Variants in WIPF1 observed in about 807,000 individuals in gnomAD.
WIPF1 encodes WAS/WASL interacting protein family member 1.
In WIPF1, 13 loss-of-function variants were observed where a neutral mutation model predicts 35.4. The observed-to-expected ratio is 0.37, with a 90% CI of 0.24 to 0.58. The LOEUF (loss-of-function observed/expected upper bound fraction) is 0.58, where lower values mean the gene tolerates loss of function less well. WIPF1 is among the 20% of genes least tolerant of loss of function. WIPF1 has a pLI of 0.74. For synonymous variants in WIPF1, 267 were observed against 266.3 expected (o/e 1.00, Z -0.02); for missense variants, 591 against 667.0 (o/e 0.89, Z 1.25).
chr2:174,654,699 G>GT lies in WIPF1; in HGVS notation c.-39+28074dup, dbSNP rs561825171. ...TCTTAACTCTCTTCTGACTAGTTTG[G>GT]TTTTTTTCCCTTCTATATCTTCCGA... On this transcript the variant is annotated intron_variant, in intron 1 of 8. Coordinates refer to the WIPF1 transcript ENST00000272746. Among the ~76,000 whole-genome samples the GT allele has an allele frequency of 2.6e-3, 392 of 151,184 alleles. 2 individuals carry two copies. Among genetic ancestry groups the GT allele is most frequent in the Non-Finnish European group, 5.1e-3 (346 of 67,810 alleles).
At chr2:174,652,808 C>T (rs753658545) in intron 1 of WIPF1, among the ~76,000 whole-genome samples, 1 of 143,626 alleles carries the variant, frequency 7.0e-6, no homozygotes, top group Non-Finnish European at 1.5e-5. Context: ...AAAAAAAAAA[C>T]AAAAAAAAAC....
chr2:174,664,407 T>A (rs1450886295), intron 1 of WIPF1, among the ~76,000 whole-genome samples: 1 of 152,104 alleles, frequency 6.6e-6, no homozygotes, highest in Admixed American at 6.5e-5. Flanking sequence ...AAACAAAGAC[T>A]CCATTTAGGA....
chr2:174,565,877 A>AT (rs376168930), intron 7 of WIPF1, among the ~76,000 whole-genome samples: 2 of 144,422 alleles, frequency 1.4e-5, no homozygotes, highest in Non-Finnish European at 3.1e-5. Context: ...CGTTGTATAC[A>AT]TTTTTTTTTA....
chr2:174,588,923 T>C (rs1487693776), intron 1 of WIPF1, among the ~76,000 whole-genome samples: 1 of 152,162 alleles, frequency 6.6e-6, no homozygotes, highest in Non-Finnish European at 1.5e-5. Context: ...CCTGGCCCCA[T>C]CTCTCACTCC....
At chr2:174,599,295 A>G (rs1395934855), upstream of WIPF1, among the ~76,000 whole-genome samples, 1 of 152,210 alleles carries the variant, frequency 6.6e-6, no homozygotes, top group African/African-American at 2.4e-5. Context: ...CCAAAATACC[A>G]GAAGTGCTCC....
In WIPF1 at chr2:174,585,547, G is replaced by T; in HGVS notation, c.27C>A (p.Pro9=). 1.2e-6 allele frequency: 2 copies of T among 1,612,064 alleles called. No homozygotes were observed. Among genetic ancestry groups the T allele is most frequent in the Non-Finnish European group, 1.7e-6 (2 of 1,179,272 alleles). Residue 9 remains proline, a synonymous_variant, in exon 2 of 8, where the codon CCC becomes CCA. Coordinates refer to ENST00000679041, the MANE Select transcript of WIPF1 (RefSeq NM_001375834.1). ...CCAGTGCAAACGTCGGGGGCGGCGG[G>T]GGTGCTGGAGGGGGAGGGACAGGCA... The part of the protein sequence containing the change: MPVPPPPA[P]PPPPTFALAN...
At chr2:174,599,316 T>C (rs545401831), upstream of WIPF1, among the ~76,000 whole-genome samples, 209 of 152,022 alleles carry the variant, frequency 1.4e-3, no homozygotes, top group Non-Finnish European at 2.8e-3. Flanking sequence ...TACTGGGGAG[T>C]ACTGGGACAG....
At chr2:174,570,002 C>A (rs1214621821) in intron 5 of WIPF1, among the ~76,000 whole-genome samples, 1 of 152,236 alleles carries the variant, frequency 6.6e-6, no homozygotes, top group Non-Finnish European at 1.5e-5. Context: ...TGCACACTCA[C>A]TGACCCAGAT....
Position 174,585,556 on chromosome 2 carries a change from AG to A in WIPF1, c.17del (p.Pro6LeufsTer20). 8.8e-7 allele frequency: 1 copy of A among 1,131,662 alleles called. No individual in the cohort carries two copies. The highest frequency in any genetic ancestry group is 1.2e-6 in the Non-Finnish European group (1 of 817,090). 70.1% of individuals were successfully genotyped at this position (1,131,662 alleles called of 1,614,324 possible). A position where few individuals can be genotyped will look rare whatever the true frequency, so the allele number is the denominator to read the frequency against. MPVPP[P>X]PAPPPPPTFA... ...ACGTCGGGGGCGGCGGGGGTGCTGGAGGGGGAGGGACAGGCATCTTGGGCAG... is the reference window on the plus strand; with the variant it reads ...ACGTCGGGGGCGGCGGGGGTGCTGGAGGGGAGGGACAGGCATCTTGGGCAG... On this transcript the variant is annotated frameshift_variant, in exon 2 of 8. Coordinates refer to ENST00000679041, the MANE Select transcript of WIPF1 (RefSeq NM_001375834.1). LOFTEE classifies it high-confidence loss of function.
At chr2:174,614,719 CA>C (rs1201592261) in intron 1 of WIPF1, among the ~76,000 whole-genome samples, 1 of 152,152 alleles carries the variant, frequency 6.6e-6, no homozygotes, top group Non-Finnish European at 1.5e-5. Flanking sequence ...TCTTATTTTC[CA>C]AAGTACAAAG....
rs1685574287 is a variant in WIPF1 at position 174,590,655 on chromosome 2, C to T, written c.-38-5044G>A. On this transcript the variant is annotated intron_variant, in intron 1 of 7. Coordinates refer to ENST00000679041, the MANE Select transcript of WIPF1 (RefSeq NM_001375834.1). This position sits in a 1 kb window ranked among gnomAD's most constrained non-coding sequence, Gnocchi z 4.6. ...CATCAGAATCTGCTGTGCCTGTGTC[C>T]GGCTTCCCAGACTAGTTGGGCTCTC... is the stretch of plus-strand genomic sequence containing the variant. Among the ~76,000 whole-genome samples, 1 of 152,188 alleles carries T rather than the reference C, an allele frequency of 6.6e-6. No homozygotes were observed. Among genetic ancestry groups the T allele is most frequent in the African/African-American group, 2.4e-5 (1 of 41,442 alleles).
chr2:174,620,158 T>C (rs930555609), intron 1 of WIPF1, among the ~76,000 whole-genome samples: 2 of 152,234 alleles, frequency 1.3e-5, no homozygotes, highest in Non-Finnish European at 2.9e-5. Context: ...TTGAGACCAC[T>C]GACGCCTTAA....
intron 1 of WIPF1, chr2:174,625,754 C>G (rs1303770200): frequency 1.3e-5 from 2 of 152,122 alleles, no homozygotes; most frequent in Non-Finnish European, 2.9e-5. Flanking sequence ...TTTTTGCTTT[C>G]ACAAGCTGAC....
chr2:174,563,691 G>A (rs1684556656), intron 7 of WIPF1, among the ~76,000 whole-genome samples: 2 of 152,202 alleles, frequency 1.3e-5, no homozygotes, highest in Admixed American at 1.3e-4. Flanking sequence ...GGATTTAACA[G>A]GTGTTTGGCA....
chr2:174,574,916 C>T lies in WIPF1; in HGVS notation c.358+288G>A, dbSNP rs1405042232. Reference sequence around the variant, plus strand: ...GGGCCAGCAAGTTCTATTTGCTCCTCCCTTTTCTTCCCACTCCAGCTAACC... The same window carrying T: ...GGGCCAGCAAGTTCTATTTGCTCCTTCCTTTTCTTCCCACTCCAGCTAACC... On this transcript the variant is annotated intron_variant, in intron 4 of 7. Transcript: ENST00000679041. The T allele has an allele frequency of 3.5e-5, 25 of 716,900 alleles. No homozygotes were observed. The Admixed American group carries it at 4.4e-4, about 13-fold the overall frequency. 44.4% of individuals were successfully genotyped at this position (716,900 alleles called of 1,614,324 possible).
chr2:174,571,658 C>T lies in WIPF1; in HGVS notation c.1129+18G>A. 6.2e-7 allele frequency: 1 copy of T among 1,614,212 alleles called. No individual in the cohort carries two copies. Among genetic ancestry groups the T allele is most frequent in the African/African-American group, 1.3e-5 (1 of 75,056 alleles). On this transcript the variant is annotated intron_variant, in intron 5 of 7. Coordinates refer to ENST00000679041, the MANE Select transcript of WIPF1 (RefSeq NM_001375834.1). The surrounding 1 kb of genome is among the most constrained non-coding windows in gnomAD (Gnocchi z 4.6). ...CAGGCTGGGTTTTGGAAGCAACTCA[C>T]TCCACGTCTTGTCATACCTGATCGG...
intron 1 of WIPF1, among the ~76,000 whole-genome samples, chr2:174,669,746 T>C (rs895897763): frequency 4.6e-5 from 7 of 152,146 alleles, no homozygotes; most frequent in Non-Finnish European, 1.0e-4. Context: ...CATGGAGGTA[T>C]GTGCCTGCAG....
At chr2:174,566,202 T>A (rs975062669) in intron 7 of WIPF1, 8 of 152,324 alleles carry the variant, frequency 5.3e-5, no homozygotes, top group South Asian at 2.1e-4. Flanking sequence ...TGTGTTTTTT[T>A]AAAAGTAAAT....
intron 1 of WIPF1, among the ~76,000 whole-genome samples, chr2:174,627,423 TTCTTTCTTTCCTTTC>T (rs200944141): frequency 0.022 from 3,400 of 152,014 alleles, 123 homozygotes; most frequent in African/African-American, 0.075. Context: ...TCTTCTTTCC[TTCTTTCTTTCCTTTC>T]TCTTTCTTTC....
Sources: allele counts gnomAD v4.1 joint callset (sites outside exome capture counted in the v4.1 genomes callset), GRCh38; gene constraint gnomAD v4.1.1; non-coding constraint Gnocchi (gnomAD v3.1); transcripts MANE v1.5; gene names NCBI Gene and HGNC (gene_info 2026-07-23, HGNC 2026-07-21).